COLEC10: variants seen among roughly 807,000 people sequenced by gnomAD.
The protein encoded by COLEC10 is collectin-10.
COLEC10 carries 22 observed loss-of-function variants against 28.4 expected under a neutral mutation model. The ratio of observed to expected loss-of-function variants is 0.78; its 90% CI spans 0.55 to 1.11. The LOEUF is 1.11. COLEC10 is among the 50% of genes least tolerant of loss of function. The probability of loss-of-function intolerance (pLI) is 0.00; values close to 1 mark genes in which losing one functional copy is unlikely to be tolerated. For missense variants in COLEC10, 361 were observed against 344.1 expected, an observed-to-expected ratio of 1.05 and a Z score of -0.39; for synonymous variants, 125 against 116.1, an observed-to-expected ratio of 1.08 and a Z score of -0.49.
At chr8:119,102,682 G>A (rs1815861515) in intron 4 of COLEC10, 1 of 322,268 alleles carries the variant, frequency 3.1e-6, no homozygotes, top group South Asian at 6.4e-5. Flanking sequence ...TGGGCCAAGA[G>A]AAAACTCTGG....
the COLEC10 span, among the ~76,000 whole-genome samples, chr8:118,978,243 A>T: frequency 6.6e-6 from 1 of 152,120 alleles, no homozygotes; most frequent in Non-Finnish European, 1.5e-5. Flanking sequence ...ATTTTATCAA[A>T]ATAAGTTATA....
intron 2 of COLEC10, among the ~76,000 whole-genome samples, chr8:119,090,696 C>G (rs1016915466): frequency 1.2e-4 from 18 of 152,176 alleles, no homozygotes; most frequent in African/African-American, 4.3e-4. Context: ...TTTCTTTGAT[C>G]ATTAGGTTTT....
intron 4 of COLEC10, 83 bp from the exon 5 acceptor site, chr8:119,103,717 G>C (rs1815884114): frequency 5.0e-6 from 4 of 803,140 alleles, no homozygotes; most frequent in Non-Finnish European, 8.7e-6. Flanking sequence ...AAAAGATAGT[G>C]AATATTGGAA....
chr8:119,005,691 C>A (rs1046488451), intron 1 of COLEC10, among the ~76,000 whole-genome samples: 1 of 152,008 alleles, frequency 6.6e-6, no homozygotes, highest in Non-Finnish European at 1.5e-5. Flanking sequence ...ATAAAACAGA[C>A]CTCTGTGATG....
intron 1 of COLEC10, among the ~76,000 whole-genome samples, chr8:119,009,276 T>A (rs565602611): frequency 1.3e-5 from 2 of 151,110 alleles, no homozygotes; most frequent in East Asian, 3.9e-4. Context: ...TGAACCTTGA[T>A]CCTCAATGTG....
chr8:119,018,021 A>G (rs1055519996), intron 2 of COLEC10, among the ~76,000 whole-genome samples: 1 of 152,168 alleles, frequency 6.6e-6, no homozygotes, highest in East Asian at 1.9e-4. Flanking sequence ...ATTTTCAAAA[A>G]CATTATTATT....
the COLEC10 span, among the ~76,000 whole-genome samples, chr8:118,956,188 C>T: frequency 6.6e-6 from 1 of 152,086 alleles, no homozygotes; most frequent in Non-Finnish European, 1.5e-5. Flanking sequence ...GTTAAGACTC[C>T]ACCTGCATGA....
the COLEC10 span, chr8:118,976,484 ATACTTG>A: frequency 6.6e-6 from 1 of 152,220 alleles, no homozygotes; most frequent in African/African-American, 2.4e-5. Context: ...ATAAATTTAT[ATACTTG>A]TACTTAAAAT....
intron 2 of COLEC10, among the ~76,000 whole-genome samples, chr8:119,036,810 C>A (rs1814396502): frequency 6.6e-6 from 1 of 152,088 alleles, no homozygotes; most frequent in East Asian, 1.9e-4. Context: ...TAACCTGGAG[C>A]TAGAAAATAG....
chr8:119,024,709 G>A (rs1814157732), intron 2 of COLEC10, among the ~76,000 whole-genome samples: 1 of 152,108 alleles, frequency 6.6e-6, no homozygotes, highest in Admixed American at 6.5e-5. Context: ...TAATACCCAA[G>A]AGGAAGTGCC....
At chr8:119,098,627 C>T (rs983153914) in intron 3 of COLEC10, among the ~76,000 whole-genome samples, 7 of 152,070 alleles carry the variant, frequency 4.6e-5, no homozygotes, top group Admixed American at 3.3e-4. Flanking sequence ...ATATTATAGA[C>T]ACTTGCTAGA....
intron 3 of COLEC10, among the ~76,000 whole-genome samples, chr8:119,092,732 C>T (rs1452539520): frequency 1.3e-5 from 2 of 151,910 alleles, no homozygotes; most frequent in Non-Finnish European, 2.9e-5. Context: ...ATAGCAAAAC[C>T]CCATCTCTAC....
intron 3 of COLEC10, among the ~76,000 whole-genome samples, chr8:119,093,302 A>G (rs1223074641): frequency 6.6e-6 from 1 of 152,038 alleles, no homozygotes; most frequent in Admixed American, 6.6e-5. Flanking sequence ...CCACTTTCCA[A>G]CTCACTCATT....
At chr8:119,045,235 A>T (rs1050811315) in intron 2 of COLEC10, among the ~76,000 whole-genome samples, 1 of 152,248 alleles carries the variant, frequency 6.6e-6, no homozygotes, top group Non-Finnish European at 1.5e-5. Flanking sequence ...AAGAGGGTCC[A>T]TCTCTTCATT....
chr8:119,103,999 A>G, intron 5 of COLEC10, 104 bp downstream of exon 5: 4 of 828,930 alleles, frequency 4.8e-6, no homozygotes, highest in Non-Finnish European at 2.0e-6. Flanking sequence ...ACAAAGGGCT[A>G]TTGAGATAGT....
At chr8:119,081,388 C>T (rs1815367318) in intron 1 of COLEC10, among the ~76,000 whole-genome samples, 2 of 152,008 alleles carry the variant, frequency 1.3e-5, no homozygotes, top group South Asian at 4.2e-4. Context: ...AATCAATTTT[C>T]AAAAGCTCTT....
intron 1 of COLEC10, chr8:119,068,202 A>T (rs1277988784): frequency 6.6e-6 from 1 of 152,202 alleles, no homozygotes; most frequent in Admixed American, 6.6e-5. Context: ...GGGTAGAAGA[A>T]TTGCAGCTGC....
At chr8:118,991,108 C>T (rs10955917), upstream of COLEC10, among the ~76,000 whole-genome samples, 7,420 of 152,082 alleles carry the variant, frequency 0.049, 279 homozygotes, top group East Asian at 0.17. Context: ...AATTATTAAT[C>T]ATATAATAAA....
At chr8:118,985,294 A>G in the COLEC10 span, among the ~76,000 whole-genome samples, 1 of 152,144 alleles carries the variant, frequency 6.6e-6, no homozygotes, top group Non-Finnish European at 1.5e-5. Flanking sequence ...CCTCCTTAAA[A>G]AAAAATTGGT....
Sources: allele counts gnomAD v4.1 joint callset (sites outside exome capture counted in the v4.1 genomes callset), GRCh38; gene constraint gnomAD v4.1.1; transcripts MANE v1.5; gene names NCBI Gene and HGNC (gene_info 2026-07-23, HGNC 2026-07-21).